The following RBFOX1 variants were observed in gnomAD, a reference collection of about 807,000 sequenced individuals.
RBFOX1 encodes the protein RNA binding fox-1 homolog 1.
Under a neutral mutation model 57.7 loss-of-function variants are expected in RBFOX1, and 8 were observed. That is an observed-to-expected ratio of 0.14 (90% CI 0.08 to 0.25). The LOEUF (loss-of-function observed/expected upper bound fraction) is 0.25, where lower values mean the gene tolerates loss of function less well. RBFOX1 is among the 10% of genes least tolerant of loss of function. The probability of loss-of-function intolerance (pLI) is 1.00; values close to 1 mark genes in which losing one functional copy is unlikely to be tolerated. For missense variants in RBFOX1, 611 were observed against 548.5 expected (o/e 1.11, Z -1.14); for synonymous variants, 326 against 222.4 (o/e 1.47, Z -4.15).
chr16:6,500,924 C>T lies in RBFOX1; in HGVS notation c.-63-153679C>T, dbSNP rs563122682. On this transcript the variant is annotated intron_variant, in intron 2 of 15. Coordinates refer to ENST00000550418, the MANE Select transcript of RBFOX1 (RefSeq NM_018723.4). ...TTTAATGCTGAGACATCCTCTGTCCCTTGTTAAGTTTTGGGTTGGTGTTGC... is the reference window on the plus strand; with the variant it reads ...TTTAATGCTGAGACATCCTCTGTCCTTTGTTAAGTTTTGGGTTGGTGTTGC... Among the ~76,000 whole-genome samples, 5 of 34,052 alleles carry T rather than the reference C, an allele frequency of 1.5e-4. No homozygotes were observed. The Admixed American group carries it at 1.9e-3, about 13-fold the overall frequency. The allele number at this position is 34,052 out of a possible 152,430, so 22.3% of individuals were successfully genotyped here.
chr16:6,397,653 T>C (rs958265255), intron 2 of RBFOX1, among the ~76,000 whole-genome samples: 2 of 152,220 alleles, frequency 1.3e-5, no homozygotes, highest in Admixed American at 1.3e-4. Context: ...TTATAATGCT[T>C]CTTTGAAAAT....
chr16:6,635,845 A>C, intron 2 of RBFOX1, among the ~76,000 whole-genome samples: 1 of 152,266 alleles, frequency 6.6e-6, no homozygotes, highest in South Asian at 2.1e-4. Context: ...TAGTCTGACT[A>C]TTCCTTTTAT....
chr16:6,795,037 G>A (rs1030371114), intron 3 of RBFOX1, among the ~76,000 whole-genome samples: 1 of 152,086 alleles, frequency 6.6e-6, no homozygotes, highest in African/African-American at 2.4e-5. Context: ...TCGTCATACT[G>A]CACATTTTCT....
intron 4 of RBFOX1, among the ~76,000 whole-genome samples, chr16:7,430,421 G>A (rs2098667473): frequency 6.6e-6 from 1 of 152,112 alleles, no homozygotes; most frequent in South Asian, 2.1e-4. Context: ...CAGCACTTCG[G>A]GAGGCTGAGG....
chr16:6,574,531 C>T (rs142980986), intron 2 of RBFOX1, among the ~76,000 whole-genome samples: 18,168 of 148,624 alleles, frequency 0.12, 1,385 homozygotes, highest in East Asian at 0.39. Context: ...AGGGTTCACG[C>T]CATTCTCCTG....
chr16:6,487,673 TAAAAAAAAAAA>T (rs777856402), intron 2 of RBFOX1, among the ~76,000 whole-genome samples: 968 of 38,642 alleles, frequency 0.025, 30 homozygotes, highest in East Asian at 0.062. Flanking sequence ...GTGATATATG[TAAAAAAAAAAA>T]AAAAAAAAAA....
intron 3 of RBFOX1, among the ~76,000 whole-genome samples, chr16:6,662,065 C>T (rs1430439010): frequency 6.6e-6 from 1 of 151,350 alleles, no homozygotes; most frequent in African/African-American, 2.4e-5. Context: ...CTCACTTTTA[C>T]CTGGAATCTA....
At chr16:6,498,428 A>T (rs2095832547) in intron 2 of RBFOX1, among the ~76,000 whole-genome samples, 1 of 152,312 alleles carries the variant, frequency 6.6e-6, no homozygotes, top group Non-Finnish European at 1.5e-5. Context: ...GAAAGAGAAG[A>T]CAGACCAGTT....
At chr16:6,416,483 T>G (rs1264673837) in intron 2 of RBFOX1, among the ~76,000 whole-genome samples, 1 of 152,136 alleles carries the variant, frequency 6.6e-6, no homozygotes, top group Non-Finnish European at 1.5e-5. Flanking sequence ...TGTCTTGTTC[T>G]TTTTTTCGTT....
intron 3 of RBFOX1, among the ~76,000 whole-genome samples, chr16:6,981,195 G>C (rs964011318): frequency 6.6e-6 from 1 of 151,860 alleles, no homozygotes. Context: ...GGGGGTTTGT[G>C]GTACAGATTA....
At chr16:6,017,679 G>T (rs1596412667), upstream of RBFOX1, among the ~76,000 whole-genome samples, 1 of 152,266 alleles carries the variant, frequency 6.6e-6, no homozygotes, top group African/African-American at 2.4e-5. Flanking sequence ...TAAATATTGC[G>T]TGCTTTAAAA....
At chr16:6,726,460 C>T (rs2067208497) in intron 3 of RBFOX1, among the ~76,000 whole-genome samples, 2 of 151,036 alleles carry the variant, frequency 1.3e-5, no homozygotes, top group Non-Finnish European at 2.9e-5. Context: ...TCTGCTTTAG[C>T]TCTTCCCGTT....
intron 4 of RBFOX1, among the ~76,000 whole-genome samples, chr16:7,352,490 C>G (rs2097146115): frequency 6.6e-6 from 1 of 152,162 alleles, no homozygotes. Context: ...GAATCTGTCA[C>G]CACTAAACGC....
chr16:6,556,873 G>C (rs1210176826), intron 2 of RBFOX1, among the ~76,000 whole-genome samples: 2 of 151,732 alleles, frequency 1.3e-5, no homozygotes, highest in African/African-American at 2.4e-5. Flanking sequence ...CTTCTGAGGA[G>C]AAGTAGAGGA....
At chr16:6,620,107 C>G (rs2098205974) in intron 2 of RBFOX1, among the ~76,000 whole-genome samples, 1 of 152,156 alleles carries the variant, frequency 6.6e-6, no homozygotes, top group Non-Finnish European at 1.5e-5. Context: ...TCCAGTCTAT[C>G]ATTGGTAGGC....
At chr16:7,516,578 G>C (rs1262027085) in intron 4 of RBFOX1, among the ~76,000 whole-genome samples, 2 of 152,262 alleles carry the variant, frequency 1.3e-5, no homozygotes, top group Middle Eastern at 3.4e-3. Flanking sequence ...CCTCAACATA[G>C]GCACACCCTC....
intron 5 of RBFOX1, among the ~76,000 whole-genome samples, chr16:7,543,651 C>G (rs1056586578): frequency 1.3e-5 from 2 of 149,342 alleles, no homozygotes; most frequent in Non-Finnish European, 3.0e-5. Flanking sequence ...AGAGTCTGCA[C>G]CATGCTGGGC....
chr16:5,695,427 C>G (rs1053869717), intron 3 of RBFOX1, among the ~76,000 whole-genome samples: 22 of 152,180 alleles, frequency 1.4e-4, no homozygotes, highest in Admixed American at 1.0e-3. Flanking sequence ...TAAAAAACCA[C>G]TCTTTTGTAG....
intron 3 of RBFOX1, among the ~76,000 whole-genome samples, chr16:6,782,766 T>A (rs2081247894): frequency 6.6e-6 from 1 of 152,214 alleles, no homozygotes. Flanking sequence ...GCACATTAAG[T>A]CAGATGTGTC....
Sources: allele counts gnomAD v4.1 joint callset (sites outside exome capture counted in the v4.1 genomes callset), GRCh38; gene constraint gnomAD v4.1.1; transcripts MANE v1.5; gene names NCBI Gene and HGNC (gene_info 2026-07-23, HGNC 2026-07-21).